Variants in MYH7B observed in about 807,000 individuals in gnomAD.
MYH7B encodes the protein myosin-7B.
MYH7B carries 205 observed loss-of-function variants against 234.5 expected under a neutral mutation model. The observed-to-expected ratio is 0.87, with a 90% confidence interval of 0.78 to 0.98. The LOEUF (loss-of-function observed/expected upper bound fraction) is 0.98, where lower values mean the gene tolerates loss of function less well. Ranked by LOEUF, MYH7B falls within the 50% of genes least tolerant of loss-of-function variation. The pLI is 0.00. For missense variants in MYH7B, 2,652 were observed against 2,633.4 expected (o/e 1.01, Z -0.15); for synonymous variants, 1,193 against 1,105.0 (o/e 1.08, Z -1.58).
At chr20:34,981,541 C>T (rs777510272) in intron 9 of MYH7B, 16 of 170,710 alleles carry the variant, frequency 9.4e-5, no homozygotes, top group Non-Finnish European at 1.5e-4. Flanking sequence ...AGTGTGCATG[C>T]GCGTATGCAG....
At chr20:34,966,625 A>G (rs2081744160) in intron 2 of MYH7B, among the ~76,000 whole-genome samples, 1 of 152,210 alleles carries the variant, frequency 6.6e-6, no homozygotes, top group African/African-American at 2.4e-5. Flanking sequence ...GTGCACACAC[A>G]CGCTCACAAC....
In MYH7B at chr20:34,994,152, G is replaced by A. The variant is rs2425012; in HGVS notation, c.2451G>A (p.Ala817=). ...CTTGGCTGCCCCTCCCTAGGGATGC[G>A]CTGTTCACCATCCAGTGGAACATCC... is the stretch of plus-strand genomic sequence containing the variant. Residue 817 remains alanine (A), a synonymous_variant, in exon 27 of 45, where the codon GCG becomes GCA. Transcript: ENST00000262873. 688,627 of 1,612,340 alleles carry A rather than the reference G, an allele frequency of 0.43. 152,514 individuals carry two copies. The highest frequency in any genetic ancestry group is 0.67 in the Admixed American group (39,907 of 59,994).
chr20:34,979,681 C>T (rs771760857), exon 7 of MYH7B: 7 of 1,614,042 alleles, frequency 4.3e-6, no homozygotes, highest in East Asian at 2.2e-5. Context: ...TGCGTGAAGC[C>T]GAGCTGCAGC....
chr20:34,973,129 TC>T (rs35136339), intron 2 of MYH7B, among the ~76,000 whole-genome samples: 1 of 152,148 alleles, frequency 6.6e-6, no homozygotes, highest in African/African-American at 2.4e-5. Context: ...CCCTTCACAC[TC>T]CAGTCCCAAC....
At chr20:34,994,353 C>A (rs1176099909) in exon 27 of MYH7B, 1 of 1,604,322 alleles carries the variant, frequency 6.2e-7, no homozygotes, top group Non-Finnish European at 8.5e-7. Flanking sequence ...AGGAGACGCA[C>A]GTCAGCATCA....
At position 34,997,246 on chromosome 20, in the gene MYH7B, C is replaced by A; in HGVS notation, c.3358-5C>A. On this transcript the variant is annotated splice_region_variant and splice_polypyrimidine_tract_variant and intron_variant, in intron 31 of 44. Coordinates refer to ENST00000262873, the Ensembl canonical transcript of MYH7B. ...GGTGACAGCTGCCCCACGTGCCCAC[C>A]CCAGGCTCGGGCGGAGGAGCTGGAA... is the stretch of plus-strand genomic sequence containing the variant. 6.4e-7 allele frequency: 1 copy of A among 1,557,446 alleles called. No individual in the cohort carries two copies. Among genetic ancestry groups the A allele is most frequent in the East Asian group, 2.4e-5 (1 of 42,032 alleles).
exon 35 of MYH7B, chr20:34,998,798 C>T (rs752053329): frequency 6.2e-7 from 1 of 1,613,154 alleles, no homozygotes; most frequent in Non-Finnish European, 8.5e-7. Flanking sequence ...GAGGAGGAGG[C>T]TGAGGCCCAG....
exon 16 of MYH7B, chr20:34,987,176 G>C: frequency 6.2e-7 from 1 of 1,613,390 alleles, no homozygotes; most frequent in Non-Finnish European, 8.5e-7. Flanking sequence ...AGGCTTCAGC[G>C]TGGATGAGAA....
chr20:34,958,507 C>T (rs1421008245), intron 2 of MYH7B, among the ~76,000 whole-genome samples: 2 of 152,148 alleles, frequency 1.3e-5, no homozygotes, highest in African/African-American at 4.8e-5. Flanking sequence ...ACTCTGTTGC[C>T]CAGGCTGGAG....
At chr20:34,986,965 T>A in exon 15 of MYH7B, 1 of 1,613,790 alleles carries the variant, frequency 6.2e-7, no homozygotes, top group Non-Finnish European at 8.5e-7. Context: ...ACATGAATGA[T>A]GGGGAGGAGC....
At chr20:34,974,407 T>G (rs1292553289) in intron 2 of MYH7B, among the ~76,000 whole-genome samples, 1 of 152,112 alleles carries the variant, frequency 6.6e-6, no homozygotes, top group Non-Finnish European at 1.5e-5. Context: ...TAGTATTTGT[T>G]GCAAATCACT....
chr20:34,998,217 C>A, intron 32 of MYH7B, 78 bp from the exon 33 acceptor site: 2 of 1,546,004 alleles, frequency 1.3e-6, no homozygotes, highest in African/African-American at 1.4e-5. Flanking sequence ...AGTCTCTGAT[C>A]CCAGATCCTG....
intron 4 of MYH7B, 100 bp downstream of exon 4, chr20:34,977,780 G>A: frequency 6.6e-7 from 1 of 1,506,896 alleles, no homozygotes; most frequent in Non-Finnish European, 9.1e-7. Context: ...TGAATCTGGA[G>A]TGGAGGAAGC....
chr20:34,995,373 A>G, exon 28 of MYH7B: 1 of 1,613,906 alleles, frequency 6.2e-7, no homozygotes, highest in Non-Finnish European at 8.5e-7. Flanking sequence ...GAGCGCTGCC[A>G]CTTGCTGATC....
chr20:34,961,009 T>C (rs148368290), intron 2 of MYH7B, among the ~76,000 whole-genome samples: 1 of 152,280 alleles, frequency 6.6e-6, no homozygotes, highest in East Asian at 1.9e-4. Context: ...GTCTGTGCCC[T>C]GGTCGTGTTT....
chr20:34,984,800 C>A, intron 11 of MYH7B, 54 bp from the exon 12 acceptor site: 28 of 1,600,848 alleles, frequency 1.7e-5, no homozygotes, highest in Non-Finnish European at 2.2e-5. Flanking sequence ...TGGCTCTGGC[C>A]TCCCGGTGGG....
intron 2 of MYH7B, among the ~76,000 whole-genome samples, chr20:34,969,724 T>C (rs769213063): frequency 6.6e-6 from 1 of 152,000 alleles, no homozygotes. Context: ...TTTGTATTTT[T>C]AGTAGAGACA....
At chr20:34,985,574 G>A (rs4911166) in intron 13 of MYH7B, among the ~76,000 whole-genome samples, 88,328 of 141,326 alleles carry the variant, frequency 0.62, 26,780 homozygotes, top group Middle Eastern at 0.75. Context: ...CCGCTGGGAA[G>A]TGCCCCAGTA....
At chr20:34,967,563 C>T (rs893032354) in intron 2 of MYH7B, among the ~76,000 whole-genome samples, 19 of 152,092 alleles carry the variant, frequency 1.2e-4, no homozygotes, top group Admixed American at 7.2e-4. Context: ...CAGCACCCCC[C>T]GCCCTCCACT....
Sources: allele counts gnomAD v4.1 joint callset (sites outside exome capture counted in the v4.1 genomes callset), GRCh38; gene constraint gnomAD v4.1.1; transcripts MANE v1.5; gene names NCBI Gene and HGNC (gene_info 2026-07-23, HGNC 2026-07-21).